Variants in LIPC observed in about 807,000 individuals in gnomAD.
LIPC encodes lipase C, hepatic type, also known as hepatic triacylglycerol lipase.
In LIPC, 44 loss-of-function variants were observed where a neutral mutation model predicts 50.7. The observed-to-expected ratio is 0.87, with a 90% CI of 0.68 to 1.11. LIPC has a LOEUF of 1.11. Ranked by LOEUF, LIPC falls within the 50% of genes most tolerant of loss-of-function variation. LIPC has a pLI of 0.00. For missense variants in LIPC, 697 were observed against 648.2 expected (o/e 1.08, Z -0.82); for synonymous variants, 271 against 256.4 (o/e 1.06, Z -0.54).
chr15:58,543,912 C>T (rs1028674660), intron 4 of LIPC, among the ~76,000 whole-genome samples: 17 of 152,182 alleles, frequency 1.1e-4, no homozygotes, highest in African/African-American at 4.8e-5. Context: ...TGAGCCACCA[C>T]GGCCGGCCAT....
chr15:58,484,543 C>T (rs1472657883), intron 1 of LIPC, among the ~76,000 whole-genome samples: 2 of 152,362 alleles, frequency 1.3e-5, no homozygotes, highest in South Asian at 2.1e-4. Flanking sequence ...TTAATCCTCA[C>T]AGCAACCCAC....
intron 1 of LIPC, among the ~76,000 whole-genome samples, chr15:58,501,497 C>T (rs991283510): frequency 2.4e-4 from 36 of 151,862 alleles, no homozygotes; most frequent in Non-Finnish European, 4.3e-4. Context: ...TTAACATCTG[C>T]GTCAGTGAAC....
At chr15:58,495,196 G>T (rs557620021) in intron 1 of LIPC, among the ~76,000 whole-genome samples, 60 of 152,316 alleles carry the variant, frequency 3.9e-4, no homozygotes, top group African/African-American at 1.3e-3. Context: ...ATCCTTGACT[G>T]CAGTGTGGGC....
chr15:58,541,082 T>C (rs868184131), intron 2 of LIPC, among the ~76,000 whole-genome samples: 17 of 152,260 alleles, frequency 1.1e-4, no homozygotes, highest in African/African-American at 3.9e-4. Context: ...AGTACAAGCA[T>C]GAGCCACCGC....
At chr15:58,516,210 T>TGCA (rs1892483248) in intron 1 of LIPC, among the ~76,000 whole-genome samples, 1 of 151,060 alleles carries the variant, frequency 6.6e-6, no homozygotes, top group Non-Finnish European at 1.5e-5. Flanking sequence ...TCACTGAGTA[T>TGCA]GCAGTTTGAC....
intron 1 of LIPC, among the ~76,000 whole-genome samples, chr15:58,444,355 G>T (rs181932658): frequency 1.8e-4 from 27 of 152,268 alleles, no homozygotes; most frequent in African/African-American, 6.3e-4. Context: ...GTGGTTTCTG[G>T]ATGTCAGAGA....
chr15:58,458,460 C>T (rs1424408638), intron 1 of LIPC, among the ~76,000 whole-genome samples: 2 of 152,216 alleles, frequency 1.3e-5, no homozygotes, highest in Non-Finnish European at 2.9e-5. Flanking sequence ...GTTATAATAG[C>T]AGGGACATTG....
At chr15:58,526,965 C>G (rs1303355569) in intron 1 of LIPC, among the ~76,000 whole-genome samples, 1 of 152,174 alleles carries the variant, frequency 6.6e-6, no homozygotes, top group Admixed American at 6.5e-5. Flanking sequence ...AGCCAGTGCC[C>G]GCCCCACTGG....
chr15:58,494,212 C>T (rs1488338382), intron 1 of LIPC, among the ~76,000 whole-genome samples: 1 of 152,248 alleles, frequency 6.6e-6, no homozygotes, highest in African/African-American at 2.4e-5. Context: ...CAATGGAAGG[C>T]CTAGTCTTTC....
chr15:58,520,873 A>G (rs1441076545), intron 1 of LIPC, among the ~76,000 whole-genome samples: 1 of 152,204 alleles, frequency 6.6e-6, no homozygotes, highest in Non-Finnish European at 1.5e-5. Context: ...CACAAAGGCA[A>G]TTTTTAAAGA....
At chr15:58,494,958 A>G in intron 1 of LIPC, 1 of 442,808 alleles carries the variant, frequency 2.3e-6, no homozygotes, top group South Asian at 1.6e-5. Context: ...CAAAACACCC[A>G]GCCCTCATGT....
At chr15:58,563,391 T>C in intron 7 of LIPC, 114 bp from the exon 8 acceptor site, 1 of 853,704 alleles carries the variant, frequency 1.2e-6, no homozygotes, top group Non-Finnish European at 1.9e-6. Flanking sequence ...GTTTGGGAAA[T>C]GCAGCAAAAA....
At chr15:58,495,201 G>A (rs1471154262) in intron 1 of LIPC, among the ~76,000 whole-genome samples, 1 of 152,232 alleles carries the variant, frequency 6.6e-6, no homozygotes, top group Admixed American at 6.5e-5. Context: ...TGACTGCAGT[G>A]TGGGCTGGGC....
At chr15:58,485,423 C>A (rs761963456) in intron 1 of LIPC, among the ~76,000 whole-genome samples, 7 of 152,068 alleles carry the variant, frequency 4.6e-5, no homozygotes, top group African/African-American at 1.7e-4. Context: ...TGTTGGGTGC[C>A]GGAGGGGAAG....
At chr15:58,552,521 G>T (rs543217156) in intron 6 of LIPC, among the ~76,000 whole-genome samples, 27 of 152,132 alleles carry the variant, frequency 1.8e-4, no homozygotes, top group African/African-American at 6.3e-4. Context: ...TCTTCCCCGT[G>T]CTGCCCTTCC....
At chr15:58,448,179 G>A (rs1374213485) in intron 1 of LIPC, among the ~76,000 whole-genome samples, 2 of 152,188 alleles carry the variant, frequency 1.3e-5, no homozygotes, top group South Asian at 4.1e-4. Context: ...TCACCAAATG[G>A]CTGTGTGACT....
intron 1 of LIPC, among the ~76,000 whole-genome samples, chr15:58,502,944 T>C (rs1324441187): frequency 9.7e-6 from 1 of 103,058 alleles, no homozygotes; most frequent in Non-Finnish European, 2.0e-5. Context: ...TTTGAGGTGC[T>C]GAAACATTGT....
intron 1 of LIPC, among the ~76,000 whole-genome samples, chr15:58,450,163 T>C (rs1256477416): frequency 6.6e-6 from 1 of 152,220 alleles, no homozygotes; most frequent in Non-Finnish European, 1.5e-5. Context: ...CCTTTGCCTC[T>C]TCTGGTCTTT....
rs1317453100 is a variant in LIPC, at chr15:58,568,882, T to C, written c.*55T>C. On this transcript the variant is annotated 3_prime_UTR_variant, in exon 9 of 9. Transcript: ENST00000299022. ...AATGAATCTTACTCCTTATCTGGAA[T>C]GGCTGCCTTATTTAGAAGCCAAAAT... The C allele has an allele frequency of 9.5e-7, 1 of 1,047,996 alleles. No individual in the cohort carries two copies. The highest frequency in any genetic ancestry group is 2.6e-5 in the East Asian group (1 of 39,052). The allele number at this position is 1,047,996 out of a possible 1,614,324, so 64.9% of individuals were successfully genotyped here. A position where few individuals can be genotyped will look rare whatever the true frequency, so the allele number is the denominator to read the frequency against.
Sources: allele counts gnomAD v4.1 joint callset (sites outside exome capture counted in the v4.1 genomes callset), GRCh38; gene constraint gnomAD v4.1.1; transcripts MANE v1.5; gene names NCBI Gene and HGNC (gene_info 2026-07-23, HGNC 2026-07-21).